The following NTM variants were observed in gnomAD, a reference collection of about 807,000 sequenced individuals.
NTM encodes the protein IgLON family member 2.
NTM carries 13 observed loss-of-function variants against 42.1 expected under a neutral mutation model. The observed-to-expected ratio is 0.31, with a 90% CI of 0.20 to 0.49. The LOEUF (loss-of-function observed/expected upper bound fraction) is 0.49. Among genes scored for constraint, NTM ranks in the 20% least tolerant of loss-of-function variants. The pLI is 0.99. For missense variants in NTM, 373 were observed against 452.8 expected, an observed-to-expected ratio of 0.82 and a Z score of 1.60; for synonymous variants, 187 against 179.2, an observed-to-expected ratio of 1.04 and a Z score of -0.35.
At chr11:131,665,563 T>C (rs530496933) in intron 1 of NTM, among the ~76,000 whole-genome samples, 2 of 152,320 alleles carry the variant, frequency 1.3e-5, no homozygotes, top group African/African-American at 4.8e-5. Flanking sequence ...GGAGAGTTCA[T>C]GTGAAGACAC....
intron 3 of NTM, among the ~76,000 whole-genome samples, chr11:132,171,876 G>C (rs1591995975): frequency 6.6e-6 from 1 of 152,286 alleles, no homozygotes. Context: ...CTCTCTTGTT[G>C]GGACTGTGTA....
rs143160203 is a variant in NTM, at chr11:132,100,066, A to C, written c.168-46216A>C. Among the ~76,000 whole-genome samples the C allele has an allele frequency of 4.5e-3, 680 of 152,356 alleles. 4 individuals are homozygous for C. Among genetic ancestry groups the C allele is most frequent in the African/African-American group, 0.015 (638 of 41,582 alleles). ...AAATAGGCATTCTCACAGAAACAGT[A>C]ATTCCAAATTAAAACAAAAACAAAA... is the stretch of plus-strand genomic sequence containing the variant. On this transcript the variant is annotated intron_variant, in intron 2 of 8. Transcript: ENST00000683400.
intron 1 of NTM, among the ~76,000 whole-genome samples, chr11:131,408,928 C>G (rs989435068): frequency 1.1e-4 from 17 of 152,290 alleles, no homozygotes; most frequent in African/African-American, 4.1e-4. Flanking sequence ...GCAGGTTCAC[C>G]CATCATGCAT....
intron 4 of NTM, among the ~76,000 whole-genome samples, chr11:132,249,743 A>G (rs1252112529): frequency 6.6e-6 from 1 of 152,250 alleles, no homozygotes; most frequent in Non-Finnish European, 1.5e-5. Flanking sequence ...GGTGAAGGTC[A>G]TGGCCTCCAG....
intron 1 of NTM, among the ~76,000 whole-genome samples, chr11:131,783,349 G>A (rs2088534780): frequency 1.3e-5 from 2 of 152,114 alleles, no homozygotes; most frequent in Non-Finnish European, 2.9e-5. Context: ...AAGAGACAGT[G>A]CGCCATATCC....
At chr11:131,614,578 C>T (rs1366119971) in intron 1 of NTM, among the ~76,000 whole-genome samples, 1 of 152,194 alleles carries the variant, frequency 6.6e-6, no homozygotes, top group Non-Finnish European at 1.5e-5. Context: ...TCCTTAAGGC[C>T]AGAGCTAGTC....
intron 2 of NTM, among the ~76,000 whole-genome samples, chr11:131,973,140 G>A (rs886089667): frequency 2.6e-5 from 4 of 152,166 alleles, no homozygotes; most frequent in Admixed American, 2.0e-4. Context: ...TTTTTCCTCT[G>A]TTCCCATCTA....
At chr11:131,859,263 A>G (rs2046390039) in intron 1 of NTM, among the ~76,000 whole-genome samples, 1 of 152,204 alleles carries the variant, frequency 6.6e-6, no homozygotes, top group Non-Finnish European at 1.5e-5. Context: ...AAAATCTATA[A>G]TCCTGACCAG....
intron 1 of NTM, among the ~76,000 whole-genome samples, chr11:131,659,866 G>A (rs2067728873): frequency 6.6e-6 from 1 of 152,212 alleles, no homozygotes; most frequent in Non-Finnish European, 1.5e-5. Flanking sequence ...GAGCTTGGAG[G>A]AGGAAAGATG....
chr11:132,254,598 C>T (rs2092311483), intron 4 of NTM, among the ~76,000 whole-genome samples: 1 of 152,052 alleles, frequency 6.6e-6, no homozygotes, highest in African/African-American at 2.4e-5. Flanking sequence ...TTTTCTTTGA[C>T]CTCTTTGTAT....
intron 8 of NTM, among the ~76,000 whole-genome samples, chr11:132,330,778 C>T (rs1378832632): frequency 6.6e-6 from 1 of 152,216 alleles, no homozygotes; most frequent in Non-Finnish European, 1.5e-5. Flanking sequence ...CTTTAGGCCT[C>T]CGCAGCTCTC....
chr11:131,701,511 G>T (rs1275020757), intron 1 of NTM, among the ~76,000 whole-genome samples: 7 of 152,196 alleles, frequency 4.6e-5, no homozygotes, highest in Non-Finnish European at 7.3e-5. Context: ...TGTCAGTTTT[G>T]CCAGGAGCTA....
chr11:131,601,592 T>G (rs1041475078), intron 1 of NTM, among the ~76,000 whole-genome samples: 1 of 152,038 alleles, frequency 6.6e-6, no homozygotes, highest in Admixed American at 6.5e-5. Flanking sequence ...CCTCTCCTTT[T>G]TTTTTTTTAA....
intron 1 of NTM, among the ~76,000 whole-genome samples, chr11:131,775,460 G>GA (rs2086810814): frequency 6.6e-6 from 1 of 152,152 alleles, no homozygotes; most frequent in Admixed American, 6.6e-5. Context: ...GTGATTTTTA[G>GA]ACAGCAGAAA....
chr11:131,598,371 C>G lies in NTM; in HGVS notation c.82+227483C>G, dbSNP rs989942819. Among the ~76,000 whole-genome samples the G allele has an allele frequency of 2.4e-4, 36 of 152,206 alleles. 2 individuals carry two copies. Among genetic ancestry groups the G allele is most frequent in the Admixed American group, 1.8e-3 (28 of 15,276 alleles). ...AAGGGTTTGGAAATGATAAACAAAACAAGGTAACAACAACAAATCCCTTGT... is the reference window on the plus strand; with the variant it reads ...AAGGGTTTGGAAATGATAAACAAAAGAAGGTAACAACAACAAATCCCTTGT... On this transcript the variant is annotated intron_variant, in intron 1 of 8. Transcript: ENST00000683400.
chr11:131,816,854 C>CAT (rs10695563), intron 1 of NTM, among the ~76,000 whole-genome samples: 143,759 of 152,196 alleles, frequency 0.94, 68,031 homozygotes, highest in East Asian at 1. Context: ...TAGCCTAAAA[C>CAT]ACTGGGCACT....
intron 2 of NTM, among the ~76,000 whole-genome samples, chr11:132,008,979 C>T (rs1331139563): frequency 6.6e-6 from 1 of 151,740 alleles, no homozygotes; most frequent in Non-Finnish European, 1.5e-5. Context: ...CAGCAGGACA[C>T]CAAGGCAGAA....
intron 4 of NTM, among the ~76,000 whole-genome samples, chr11:132,230,439 G>A (rs2087283865): frequency 6.6e-6 from 1 of 152,198 alleles, no homozygotes; most frequent in African/African-American, 2.4e-5. Flanking sequence ...GATGGGACCT[G>A]CACCCAGCCT....
Position 131,947,038 on chromosome 11 carries a change from G to GAATGT in NTM, c.167+35392_167+35396dup, listed in dbSNP as rs537970574. 1.6e-3 allele frequency among the ~76,000 whole-genome samples: 246 copies of GAATGT among 152,314 alleles called. 3 individuals carry two copies. The highest frequency in any genetic ancestry group is 5.8e-3 in the African/African-American group (240 of 41,586). On this transcript the variant is annotated intron_variant, in intron 2 of 8. Coordinates refer to ENST00000683400, the MANE Select transcript of NTM (RefSeq NM_001352005.2). Reference sequence around the variant, plus strand: ...GGTTATTGGAAGGTACAATGGAATGGAATGTACATGGATCTGTACAGACAT... The same window carrying GAATGT: ...GGTTATTGGAAGGTACAATGGAATGGAATGTAATGTACATGGATCTGTACAGACAT...
Sources: allele counts gnomAD v4.1 joint callset (sites outside exome capture counted in the v4.1 genomes callset), GRCh38; gene constraint gnomAD v4.1.1; transcripts MANE v1.5; gene names NCBI Gene and HGNC (gene_info 2026-07-23, HGNC 2026-07-21).